OR1B1: variants seen among roughly 807,000 people sequenced by gnomAD.
OR1B1 encodes the protein olfactory receptor family 1 subfamily B member 1.
For synonymous variants in OR1B1, 168 were observed against 156.2 expected, an observed-to-expected ratio of 1.08 and a Z score of -0.57; for missense variants, 414 against 402.1, an observed-to-expected ratio of 1.03 and a Z score of -0.25.
chr9:122,656,842 A>G, the OR1B1 span, among the ~76,000 whole-genome samples: 1 of 152,156 alleles, frequency 6.6e-6, no homozygotes, highest in South Asian at 2.1e-4. Flanking sequence ...CTTTTATTTT[A>G]TTTACTTTAT....
exon 1 of OR1B1, chr9:122,629,173 A>T: frequency 1.2e-6 from 2 of 1,614,066 alleles, no homozygotes; most frequent in Non-Finnish European, 1.7e-6. Context: ...AGCGATCCAG[A>T]GCCATGACAG....
chr9:122,633,597 A>G (rs1830225843), upstream of OR1B1, among the ~76,000 whole-genome samples: 1 of 152,264 alleles, frequency 6.6e-6, no homozygotes, highest in East Asian at 1.9e-4. Flanking sequence ...ACTTATACTC[A>G]ATAGCAAAAT....
upstream of OR1B1, among the ~76,000 whole-genome samples, chr9:122,632,357 T>C (rs1830211125): frequency 1.3e-5 from 2 of 152,172 alleles, no homozygotes; most frequent in South Asian, 4.1e-4. Flanking sequence ...AACATTCACA[T>C]TGAAATGAAA....
chr9:122,628,463 C>T, downstream of OR1B1: 2 of 688,584 alleles, frequency 2.9e-6, no homozygotes, highest in South Asian at 3.7e-5. Context: ...AGAGCCAAAT[C>T]TGGAGTTCCT....
the OR1B1 span, among the ~76,000 whole-genome samples, chr9:122,642,968 G>A: frequency 6.5e-3 from 985 of 152,126 alleles, 10 homozygotes; most frequent in African/African-American, 0.023. Flanking sequence ...CTGAAGTGTC[G>A]GATATAGTGC....
At chr9:122,638,310 T>A in the OR1B1 span, among the ~76,000 whole-genome samples, 1 of 152,180 alleles carries the variant, frequency 6.6e-6, no homozygotes, top group Non-Finnish European at 1.5e-5. Context: ...AAATTTAAGT[T>A]TTGTTGAAGT....
rs768842829 is a variant in OR1B1 at position 122,629,543 on chromosome 9, A to G, written c.-8T>C. On this transcript the variant is annotated 5_prime_UTR_variant, in exon 1 of 1. Transcript: ENST00000623530. ...AGGGGCAAAGCTCATCATGAGTGAC[A>G]GTCAGCCTGCCTGAAAGACAGTTTA... The G allele has an allele frequency of 3.2e-6, 5 of 1,555,374 alleles. No homozygotes were observed. In the South Asian group the frequency reaches 4.7e-5, roughly 15 times the overall value.
the OR1B1 span, among the ~76,000 whole-genome samples, chr9:122,634,673 T>C: frequency 6.6e-6 from 1 of 152,040 alleles, no homozygotes; most frequent in South Asian, 2.1e-4. Flanking sequence ...GTGATTACAA[T>C]TGGAGATGAG....
At chr9:122,640,347 A>C in the OR1B1 span, among the ~76,000 whole-genome samples, 2 of 152,160 alleles carry the variant, frequency 1.3e-5, no homozygotes, top group Non-Finnish European at 2.9e-5. Flanking sequence ...CCAGAAGAAC[A>C]TGTCCAGTTC....
chr9:122,632,749 G>A (rs2118812740), upstream of OR1B1, among the ~76,000 whole-genome samples: 1 of 152,266 alleles, frequency 6.6e-6, no homozygotes, highest in Non-Finnish European at 1.5e-5. Context: ...CCAGGAGACA[G>A]TACAAAGTGA....
the OR1B1 span, among the ~76,000 whole-genome samples, chr9:122,636,353 G>A: frequency 7.2e-5 from 11 of 152,202 alleles, no homozygotes; most frequent in East Asian, 5.8e-4. Context: ...AGTGGCTCAC[G>A]CCTGTAATCC....
At chr9:122,632,867 A>G (rs1830216351), upstream of OR1B1, among the ~76,000 whole-genome samples, 1 of 152,196 alleles carries the variant, frequency 6.6e-6, no homozygotes, top group Non-Finnish European at 1.5e-5. Context: ...ATAAAGGCAT[A>G]CCCAAGACTG....
rs766601000 is a variant in OR1B1 at position 122,629,336 on chromosome 9, C to T, written c.200G>A (p.Gly67Asp). The change falls in exon 1 of 1, where the codon GGC (glycine) becomes GAC (aspartate). Residue 67 changes from glycine to aspartate, a missense_variant. Gly to Asp is a moderately conservative substitution (Grantham distance 94). Transcript: ENST00000623530. ...TAGCCCCATGTCTATCACAGAGAGG[C>T]CACGAAGCAGATAATACATGGGTGA... is the stretch of plus-strand genomic sequence containing the variant. The T allele has an allele frequency of 5.6e-6, 9 of 1,613,914 alleles. No homozygotes were observed. In the Admixed American group the frequency reaches 1.0e-4, roughly 18 times the overall value.
At chr9:122,655,881 C>T in the OR1B1 span, among the ~76,000 whole-genome samples, 1 of 151,596 alleles carries the variant, frequency 6.6e-6, no homozygotes, top group Non-Finnish European at 1.5e-5. Flanking sequence ...ATTTCTTCTG[C>T]TTTTACACGT....
At chr9:122,642,118 A>G in the OR1B1 span, among the ~76,000 whole-genome samples, 3 of 152,084 alleles carry the variant, frequency 2.0e-5, no homozygotes, top group Non-Finnish European at 2.9e-5. Context: ...GAAGGCAGGT[A>G]TGAAAAATAG....
the OR1B1 span, among the ~76,000 whole-genome samples, chr9:122,641,283 A>G: frequency 6.6e-6 from 1 of 152,180 alleles, no homozygotes. Flanking sequence ...ATATGTGACA[A>G]ATTTTCAAAA....
At chr9:122,651,955 A>T in the OR1B1 span, among the ~76,000 whole-genome samples, 1 of 151,952 alleles carries the variant, frequency 6.6e-6, no homozygotes, top group Non-Finnish European at 1.5e-5. Flanking sequence ...GTGCCACCAC[A>T]CATTGCTAAT....
At chr9:122,629,213 G>A (rs547773297) in exon 1 of OR1B1, 1 of 1,614,066 alleles carries the variant, frequency 6.2e-7, no homozygotes, top group Admixed American at 1.7e-5. Flanking sequence ...AACCCCAAAT[G>A]CATAGAAGAA....
chr9:122,634,338 A>AG (rs888258604), upstream of OR1B1, among the ~76,000 whole-genome samples: 17 of 150,992 alleles, frequency 1.1e-4, no homozygotes, highest in African/African-American at 4.1e-4. Context: ...TCCATCTCAA[A>AG]AAAAAAAAAA....
Sources: gnomAD v4.1 joint callset for allele counts (sites outside exome capture counted in the v4.1 genomes callset) on GRCh38, gnomAD v4.1.1 for gene constraint, MANE v1.5 for transcripts, NCBI Gene and HGNC (gene_info 2026-07-23, HGNC 2026-07-21) for gene names.